Variants in KRABD5 observed in about 807,000 individuals in gnomAD.
The protein encoded by KRABD5 is KRAB domain containing 5.
At chr16:31,725,685 G>A in the KRABD5 span, among the ~76,000 whole-genome samples, 2 of 152,186 alleles carry the variant, frequency 1.3e-5, no homozygotes, top group South Asian at 2.1e-4. Context: ...TAAATGTGAG[G>A]TGATGGCTCA....
the KRABD5 span, among the ~76,000 whole-genome samples, chr16:31,718,406 A>G: frequency 6.6e-6 from 1 of 152,154 alleles, no homozygotes; most frequent in Non-Finnish European, 1.5e-5. Flanking sequence ...ATTATGAGAG[A>G]TTGACATAGA....
the KRABD5 span, among the ~76,000 whole-genome samples, chr16:31,737,190 A>C: frequency 6.6e-6 from 1 of 152,224 alleles, no homozygotes; most frequent in African/African-American, 2.4e-5. Context: ...TAGTACTAGA[A>C]GTTCTAGCCA....
the KRABD5 span, among the ~76,000 whole-genome samples, chr16:31,726,900 T>C: frequency 6.6e-5 from 10 of 152,254 alleles, no homozygotes; most frequent in Admixed American, 3.9e-4. Flanking sequence ...GTATTAATTT[T>C]TCCAGTCCAT....
chr16:31,729,218 T>C, the KRABD5 span, among the ~76,000 whole-genome samples: 11 of 152,338 alleles, frequency 7.2e-5, no homozygotes, highest in African/African-American at 1.2e-4. Context: ...ACTGGATTTT[T>C]AAAAATTCAT....
the KRABD5 span, chr16:31,713,420 C>A: frequency 6.2e-7 from 1 of 1,605,608 alleles, no homozygotes; most frequent in East Asian, 2.2e-5. Context: ...CAGGACATCC[C>A]GGAAGCTGGG....
the KRABD5 span, chr16:31,713,347 G>A: frequency 3.2e-6 from 5 of 1,554,774 alleles, no homozygotes; most frequent in Non-Finnish European, 4.4e-6. Flanking sequence ...CGCGTTCTGA[G>A]AATAGACAGA....
the KRABD5 span, among the ~76,000 whole-genome samples, chr16:31,729,730 G>T: frequency 6.6e-6 from 1 of 151,456 alleles, no homozygotes; most frequent in African/African-American, 2.4e-5. Context: ...CTTATGCTTT[G>T]GTCATGTTAA....
At chr16:31,749,417 G>T in the KRABD5 span, among the ~76,000 whole-genome samples, 1 of 152,222 alleles carries the variant, frequency 6.6e-6, no homozygotes, top group Non-Finnish European at 1.5e-5. Context: ...GCTGGCTACT[G>T]CCCCTCTGCC....
At chr16:31,733,790 A>G in the KRABD5 span, among the ~76,000 whole-genome samples, 1 of 152,310 alleles carries the variant, frequency 6.6e-6, no homozygotes, top group East Asian at 1.9e-4. Context: ...TAATCTGCTC[A>G]TCCATAAAGG....
At chr16:31,717,743 A>G in the KRABD5 span, among the ~76,000 whole-genome samples, 1 of 152,100 alleles carries the variant, frequency 6.6e-6, no homozygotes, top group African/African-American at 2.4e-5. Flanking sequence ...TTTTAATTAT[A>G]TTTCCCAAAC....
At chr16:31,715,892 C>T in the KRABD5 span, among the ~76,000 whole-genome samples, 2 of 152,186 alleles carry the variant, frequency 1.3e-5, no homozygotes, top group Admixed American at 6.5e-5. Flanking sequence ...GACTGTCACC[C>T]TACACATTGT....
chr16:31,733,363 C>T, the KRABD5 span: 4 of 355,536 alleles, frequency 1.1e-5, no homozygotes, highest in South Asian at 6.4e-5. Flanking sequence ...ATTTTTGAAA[C>T]ATTTTATAAC....
the KRABD5 span, chr16:31,713,616 T>G: frequency 1.2e-6 from 1 of 855,988 alleles, no homozygotes; most frequent in South Asian, 1.8e-5. Context: ...GCGCGTCCGG[T>G]CCCCTCCCGA....
chr16:31,719,768 A>G, the KRABD5 span, among the ~76,000 whole-genome samples: 1 of 152,324 alleles, frequency 6.6e-6, no homozygotes, highest in East Asian at 1.9e-4. Flanking sequence ...AAAGGACAAT[A>G]TGGGGGCCTG....
the KRABD5 span, among the ~76,000 whole-genome samples, chr16:31,720,845 T>A: frequency 6.6e-6 from 1 of 152,202 alleles, no homozygotes; most frequent in Non-Finnish European, 1.5e-5. Flanking sequence ...TTAGTTTCCC[T>A]TTGCTTGTGG....
At chr16:31,737,993 T>G in the KRABD5 span, among the ~76,000 whole-genome samples, 3 of 152,160 alleles carry the variant, frequency 2.0e-5, no homozygotes, top group African/African-American at 4.8e-5. Context: ...TTTCCACATA[T>G]TCATGGACAT....
chr16:31,746,759 C>T, the KRABD5 span, among the ~76,000 whole-genome samples: 5 of 152,144 alleles, frequency 3.3e-5, no homozygotes, highest in South Asian at 2.1e-4. Flanking sequence ...TCCAATCAAT[C>T]GTAGGTTCAG....
the KRABD5 span, chr16:31,723,343 C>G: frequency 6.2e-7 from 1 of 1,612,410 alleles, no homozygotes; most frequent in East Asian, 2.2e-5. Flanking sequence ...AGACAGTAGC[C>G]ATCCAGCCAG....
At chr16:31,746,787 G>A in the KRABD5 span, among the ~76,000 whole-genome samples, 10 of 152,040 alleles carry the variant, frequency 6.6e-5, no homozygotes, top group Non-Finnish European at 1.5e-4. Context: ...GTGAAGTCAC[G>A]TATTTCTTGG....
Sources: allele counts gnomAD v4.1 joint callset (sites outside exome capture counted in the v4.1 genomes callset), GRCh38; gene constraint gnomAD v4.1.1; transcripts MANE v1.5; gene names NCBI Gene and HGNC (gene_info 2026-07-23, HGNC 2026-07-21).